CASZ1: variants seen among roughly 807,000 people sequenced by gnomAD.
The protein encoded by CASZ1 is zinc finger protein castor homolog 1.
A neutral mutation model predicts 135.2 loss-of-function variants in CASZ1; 28 were observed. The ratio of observed to expected loss-of-function variants is 0.21; its 90% CI spans 0.15 to 0.28. The LOEUF (loss-of-function observed/expected upper bound fraction) is 0.28. CASZ1 is among the 10% of genes least tolerant of loss of function. The probability of loss-of-function intolerance (pLI) is 1.00; values close to 1 mark genes in which losing one functional copy is unlikely to be tolerated. For synonymous variants in CASZ1, 1,068 were observed against 1,073.4 expected (o/e 0.99, Z 0.10); for missense variants, 2,161 against 2,453.3 (o/e 0.88, Z 2.52).
chr1:10,786,985 A>G (rs547686070), intron 1 of CASZ1, among the ~76,000 whole-genome samples: 1 of 152,306 alleles, frequency 6.6e-6, no homozygotes, highest in Admixed American at 6.5e-5. Context: ...CTGATACCAT[A>G]TGACATAAAA....
intron 2 of CASZ1, among the ~76,000 whole-genome samples, chr1:10,716,016 CCCCACAGCACCCAATCCACAA>C (rs1557528115): frequency 2.2e-4 from 30 of 137,794 alleles, no homozygotes; most frequent in South Asian, 9.8e-4. Context: ...CCAATCCACA[CCCCACAGCACCCAATCCACAA>C]CCCACAGCAC....
At chr1:10,698,274 A>G (rs1290570427) in intron 3 of CASZ1, among the ~76,000 whole-genome samples, 1 of 152,250 alleles carries the variant, frequency 6.6e-6, no homozygotes, top group East Asian at 1.9e-4. Context: ...TATCTAATGG[A>G]AAATTATAGG....
Position 10,697,248 on chromosome 1 carries a change from C to G in CASZ1, c.-23-3336G>C, listed in dbSNP as rs996793223. On this transcript the variant is annotated intron_variant, in intron 3 of 20. Transcript: ENST00000377022. This position sits in a 1 kb window ranked among gnomAD's most constrained non-coding sequence, Gnocchi z 4.7. Reference sequence around the variant, plus strand: ...GGGGCCCCCAGATTATGCGCCCCCCCCTTCTCTCTCTTTCTCTCTGAGTGT... The same window carrying G: ...GGGGCCCCCAGATTATGCGCCCCCCGCTTCTCTCTCTTTCTCTCTGAGTGT... Among the ~76,000 whole-genome samples the G allele has an allele frequency of 7.2e-5, 11 of 152,016 alleles. No homozygotes were observed. Among genetic ancestry groups the G allele is most frequent in the Non-Finnish European group, 8.8e-5 (6 of 67,980 alleles).
intron 4 of CASZ1, among the ~76,000 whole-genome samples, chr1:10,686,126 C>T (rs1638579270): frequency 6.6e-6 from 1 of 152,062 alleles, no homozygotes. Context: ...CCACCCAGCA[C>T]GGGGGCCTGT....
chr1:10,639,435 T>C lies in CASZ1; in HGVS notation c.4787A>G (p.Glu1596Gly). 1 of 1,581,124 alleles carries C rather than the reference T, an allele frequency of 6.3e-7. No individual in the cohort carries two copies. Among genetic ancestry groups the C allele is most frequent in the Non-Finnish European group, 8.6e-7 (1 of 1,164,734 alleles). The stretch of plus-strand genomic sequence containing the variant: ...CGCGGGCTCGCCGCGCTCCTGCTTC[T>C]CGTGCTTGCGCTTGTGCGAGTCCAT... ...SQMDSHKRKH[E>G]KQERGEPAAE... Residue 1596 changes from glutamate (E) to glycine (G), a missense_variant, in exon 21 of 21, where the codon GAG becomes GGG. Physicochemically the swap from Glu to Gly is moderately conservative, Grantham distance 98. Transcript: ENST00000377022. The surrounding 1 kb of genome is among the most constrained non-coding windows in gnomAD (Gnocchi z 4.0).
chr1:10,656,229 C>T (rs925786335), intron 8 of CASZ1, among the ~76,000 whole-genome samples: 5 of 152,238 alleles, frequency 3.3e-5, no homozygotes, highest in South Asian at 2.1e-4. Context: ...TCACCAGCCC[C>T]GCGCTCACTG....
rs1638351951 is a variant in CASZ1 at position 10,679,758 on chromosome 1, G to GT, written c.16+14115dup. On this transcript the variant is annotated intron_variant, in intron 4 of 20. Coordinates refer to ENST00000377022, the MANE Select transcript of CASZ1 (RefSeq NM_001079843.3). This position sits in a 1 kb window ranked among gnomAD's most constrained non-coding sequence, Gnocchi z 4.7. ...CAGGTTTTCCATACTACAACCCCGA[G>GT]TGTCACCACAGGGTCCGGCCCAACC... 6.6e-6 allele frequency among the ~76,000 whole-genome samples: 1 copy of GT among 152,200 alleles called. No individual in the cohort carries two copies. The highest frequency in any genetic ancestry group is 2.4e-5 in the African/African-American group (1 of 41,458).
intron 1 of CASZ1, among the ~76,000 whole-genome samples, chr1:10,764,340 A>G (rs1640433496): frequency 6.6e-6 from 1 of 152,212 alleles, no homozygotes; most frequent in Admixed American, 6.5e-5. Context: ...TGTGCCTACT[A>G]TGTGCCAGGC....
In CASZ1 at chr1:10,665,116, C is replaced by T; in HGVS notation, c.472G>A (p.Glu158Lys). 1 of 1,514,348 alleles carries T rather than the reference C, an allele frequency of 6.6e-7. No individual in the cohort carries two copies. The highest frequency in any genetic ancestry group is 8.8e-7 in the Non-Finnish European group (1 of 1,130,790). The allele number at this position is 1,514,348 out of a possible 1,614,324, so 93.8% of individuals were successfully genotyped here. A position where few individuals can be genotyped will look rare whatever the true frequency, so the allele number is the denominator to read the frequency against. ...TGCCTGGTGCTGGGGCCGCTGTCCT[C>T]CTTGGAGGCTGCCCCGTCCGAATCC... The part of the protein sequence containing the change: ...EKDSDGAASK[E>K]DSGPSTRQAS... The change falls in exon 5 of 21, where the codon GAG becomes AAG. Residue 158 changes from glutamate (E) to lysine (K), a missense_variant. Glu to Lys is a moderately conservative substitution (Grantham distance 56). Around this residue, in one of 7 missense-constraint regions of CASZ1, gnomAD observed 590 missense variants for 609.8 expected, o/e 0.97. Transcript: ENST00000377022.
intron 2 of CASZ1, among the ~76,000 whole-genome samples, chr1:10,733,645 A>C (rs1304411295): frequency 6.6e-6 from 1 of 152,178 alleles, no homozygotes; most frequent in Admixed American, 6.5e-5. Context: ...AGAGAGGCCC[A>C]ACTCAGTCTC....
At chr1:10,716,635 G>A (rs1055053583) in intron 2 of CASZ1, among the ~76,000 whole-genome samples, 7 of 152,156 alleles carry the variant, frequency 4.6e-5, no homozygotes, top group Non-Finnish European at 8.8e-5. Context: ...AAGAACAGGC[G>A]GAAGTGGCAC....
rs1221026793 is a variant in CASZ1 at position 10,639,960 on chromosome 1, G to C, written c.4262C>G (p.Ser1421Cys). Reference sequence around the variant, plus strand: ...CATGCCCTCGTCCAGCATCTTCCGGGAGGACGCCGTCTTCCGCCGCTTGCC... The same window carrying C: ...CATGCCCTCGTCCAGCATCTTCCGGCAGGACGCCGTCTTCCGCCGCTTGCC... ...PFGKRRKTASSRKMLDEGMML... is the reference protein window; with the variant it reads ...PFGKRRKTASCRKMLDEGMML... Residue 1421 changes from serine (S) to cysteine (C), a missense_variant, in exon 21 of 21, where the codon TCC becomes TGC. Ser to Cys is a moderately radical substitution (Grantham distance 112, BLOSUM62 -1). Coordinates refer to ENST00000377022, the MANE Select transcript of CASZ1 (RefSeq NM_001079843.3). The surrounding 1 kb of genome is among the most constrained non-coding windows in gnomAD (Gnocchi z 4.0). The C allele has an allele frequency of 6.2e-7, 1 of 1,612,932 alleles. No homozygotes were observed. Among genetic ancestry groups the C allele is most frequent in the South Asian group, 1.1e-5 (1 of 91,092 alleles).
At position 10,657,900 on chromosome 1, in the gene CASZ1, C is replaced by T. The variant is rs1377418738; in HGVS notation, c.1409+608G>A. On this transcript the variant is annotated intron_variant, in intron 7 of 20. Coordinates refer to ENST00000377022, the MANE Select transcript of CASZ1 (RefSeq NM_001079843.3). The surrounding 1 kb of genome is among the most constrained non-coding windows in gnomAD (Gnocchi z 5.7). The stretch of plus-strand genomic sequence containing the variant: ...GCCTTTGGGATGGAAAGGGGTTGGT[C>T]TGGAGTCAGGTGGTGTCAGAGCCTC... The T allele has an allele frequency of 6.6e-6, 1 of 152,210 alleles. No homozygotes were observed. Among genetic ancestry groups the T allele is most frequent in the Non-Finnish European group, 1.5e-5 (1 of 68,184 alleles). 9.4% of individuals were successfully genotyped at this position (152,210 alleles called of 1,614,324 possible).
intron 2 of CASZ1, among the ~76,000 whole-genome samples, chr1:10,744,889 C>G (rs965858753): frequency 6.6e-6 from 1 of 152,162 alleles, no homozygotes; most frequent in Non-Finnish European, 1.5e-5. Flanking sequence ...ACACGGTACA[C>G]GCAGACGCAT....
rs916918270 is a variant in CASZ1 at position 10,676,044 on chromosome 1, G to A, written c.17-10473C>T. On this transcript the variant is annotated intron_variant, in intron 4 of 20. Transcript: ENST00000377022. This position sits in a 1 kb window ranked among gnomAD's most constrained non-coding sequence, Gnocchi z 4.5. ...CAGAGACAGTCAGGATGAACCAGGC[G>A]CCCAACCCCAGCAGCCAGGGAGGGG... 2.0e-5 allele frequency among the ~76,000 whole-genome samples: 3 copies of A among 152,268 alleles called. No homozygotes were observed. The highest frequency in any genetic ancestry group is 2.1e-4 in the South Asian group (1 of 4,820).
intron 4 of CASZ1, among the ~76,000 whole-genome samples, chr1:10,685,708 C>A (rs1367944429): frequency 6.6e-6 from 1 of 152,220 alleles, no homozygotes; most frequent in African/African-American, 2.4e-5. Flanking sequence ...GCAATTGCCA[C>A]GCCTGCCTGA....
intron 2 of CASZ1, among the ~76,000 whole-genome samples, chr1:10,722,960 C>T (rs950201829): frequency 3.3e-5 from 5 of 152,240 alleles, no homozygotes; most frequent in Admixed American, 2.0e-4. Flanking sequence ...ACCAGTCCTG[C>T]GGGAAGGAGG....
At chr1:10,669,794 G>A (rs377206827) in intron 4 of CASZ1, among the ~76,000 whole-genome samples, 188 of 152,274 alleles carry the variant, frequency 1.2e-3, no homozygotes, top group Non-Finnish European at 1.7e-3. Flanking sequence ...CCAGGGGGCC[G>A]GGCAGGCCTG....
rs372106645 is a variant in CASZ1 at position 10,646,117 on chromosome 1, G to A, written c.3696+11C>T. 14 of 1,613,304 alleles carry A rather than the reference G, an allele frequency of 8.7e-6. No individual in the cohort carries two copies. The highest frequency in any genetic ancestry group is 8.3e-5 in the Admixed American group (5 of 59,974). ...CTACTCTGCCCCTGCGCCGTGTACC[G>A]CCATGCTGACCTGGTTGGGACAGAG... On this transcript the variant is annotated intron_variant, in intron 17 of 20. Coordinates refer to ENST00000377022, the MANE Select transcript of CASZ1 (RefSeq NM_001079843.3). This position sits in a 1 kb window ranked among gnomAD's most constrained non-coding sequence, Gnocchi z 6.4.
Sources: gnomAD v4.1 joint callset for allele counts (sites outside exome capture counted in the v4.1 genomes callset) on GRCh38, gnomAD v4.1.1 for gene constraint, gnomAD v4.1.1 regional missense constraint, Gnocchi (gnomAD v3.1) non-coding constraint, MANE v1.5 for transcripts, NCBI Gene and HGNC (gene_info 2026-07-23, HGNC 2026-07-21) for gene names.